SH2D3A: variants seen among roughly 807,000 people sequenced by gnomAD.
SH2D3A encodes SH2 domain containing 3A, also known as SH2 domain-containing protein 3A.
In SH2D3A, 46 loss-of-function variants were observed where a neutral mutation model predicts 50.6. The ratio of observed to expected loss-of-function variants is 0.91; its 90% CI spans 0.72 to 1.16. The LOEUF is 1.16. Ranked by LOEUF, SH2D3A falls within the 50% of genes most tolerant of loss-of-function variation. The pLI is 0.00. For synonymous variants in SH2D3A, 377 were observed against 348.4 expected (o/e 1.08, Z -0.91); for missense variants, 783 against 786.2 (o/e 1.00, Z 0.05).
At chr19:6,761,058 C>T (rs189692747) in intron 2 of SH2D3A, 71 bp from the exon 3 acceptor site, 10 of 1,204,132 alleles carry the variant, frequency 8.3e-6, no homozygotes, top group African/African-American at 3.1e-5. Context: ...TAGCTCCCCC[C>T]ACCATTGCCC....
intron 1 of SH2D3A, among the ~76,000 whole-genome samples, chr19:6,764,873 T>TTTA (rs1491188220): frequency 2.8e-5 from 2 of 71,372 alleles, no homozygotes; most frequent in Non-Finnish European, 5.4e-5. Context: ...ACCTGGCTAA[T>TTTA]TTTTTTTTTT....
chr19:6,753,278 T>G, intron 9 of SH2D3A, 178 bp downstream of exon 9: 1 of 985,392 alleles, frequency 1.0e-6, no homozygotes, highest in Non-Finnish European at 1.2e-6. Flanking sequence ...TCAATACCGC[T>G]GGATGCAGCG....
chr19:6,754,105 A>G lies in SH2D3A; in HGVS notation c.1331T>C (p.Leu444Pro). 6.2e-7 allele frequency: 1 copy of G among 1,613,498 alleles called. No homozygotes were observed. The highest frequency in any genetic ancestry group is 8.5e-7 in the Non-Finnish European group (1 of 1,179,754). ...QLRRSHTEAA[L>P]AFEQELKPLM... The stretch of plus-strand genomic sequence containing the variant: ...CGGCTTCAGCTCCTGCTCAAAGGCC[A>G]GCGCAGCCTCCGTGTGGCTCCTTCG... Residue 444 changes from leucine (L) to proline (P), a missense_variant, in exon 8 of 10, where the codon CTG becomes CCG. Coordinates refer to ENST00000245908, the MANE Select transcript of SH2D3A (RefSeq NM_005490.3).
At chr19:6,764,872 ATTT>A (rs55670461) in intron 1 of SH2D3A, among the ~76,000 whole-genome samples, 4 of 103,120 alleles carry the variant, frequency 3.9e-5, no homozygotes, top group African/African-American at 1.3e-4. Flanking sequence ...TACCTGGCTA[ATTT>A]TTTTTTTTTT....
Position 6,760,679 on chromosome 19 carries a change from C to T in SH2D3A, c.378G>A (p.Glu126=), listed in dbSNP as rs1474655545. ...WQGPLRRSFS[E]DTLMDGPARI... ...GAGCTGGGCCATCCATCAGGGTGTCCTCGCTAAAGCTGCGTCGCAGAGGCC... is the reference window on the plus strand; with the variant it reads ...GAGCTGGGCCATCCATCAGGGTGTCTTCGCTAAAGCTGCGTCGCAGAGGCC... The change falls in exon 3 of 10, where the codon GAG becomes GAA. Residue 126 remains glutamate, a synonymous_variant. Transcript: ENST00000245908. 1.2e-6 allele frequency: 2 copies of T among 1,607,228 alleles called. No individual in the cohort carries two copies. Among genetic ancestry groups the T allele is most frequent in the Admixed American group, 3.4e-5 (2 of 59,520 alleles).
intron 4 of SH2D3A, 76 bp downstream of exon 4, chr19:6,759,518 C>T (rs994610508): frequency 2.4e-5 from 32 of 1,340,554 alleles, no homozygotes; most frequent in Non-Finnish European, 3.3e-5. Flanking sequence ...GAGGTGCCTG[C>T]ACCTGACCAA....
Position 6,760,901 on chromosome 19 carries a change from G to A in SH2D3A, c.156C>T (p.Arg52=). The change falls in exon 3 of 10, where the codon CGC becomes CGT. Residue 52 remains arginine (R), a synonymous_variant. Coordinates refer to ENST00000245908, the MANE Select transcript of SH2D3A (RefSeq NM_005490.3). ...CAAAATGGAGGGCTGAGCCCCGCCA[G>A]CGGCAGGAGATCACGGGGTTGCCCC... The part of the protein sequence containing the change: ...SRGGNPVISC[R]WRGSALHFEV... 6.2e-7 allele frequency: 1 copy of A among 1,614,238 alleles called. No homozygotes were observed. The highest frequency in any genetic ancestry group is 8.5e-7 in the Non-Finnish European group (1 of 1,180,034).
At chr19:6,754,230 C>T (rs1969507060) in intron 7 of SH2D3A, 21 bp downstream of exon 7, 1 of 1,605,220 alleles carries the variant, frequency 6.2e-7, no homozygotes, top group South Asian at 1.1e-5. Context: ...CAGCTTCCTC[C>T]AGTCCCTGCT....
At chr19:6,759,784 G>T in intron 3 of SH2D3A, 114 bp from the exon 4 acceptor site, 1 of 994,872 alleles carries the variant, frequency 1.0e-6, no homozygotes, top group Non-Finnish European at 1.5e-6. Flanking sequence ...AACCAATCAA[G>T]GTGACCTACG....
In SH2D3A at chr19:6,754,309, C is replaced by A; in HGVS notation, c.1214G>T (p.Gly405Val). The A allele has an allele frequency of 6.4e-7, 1 of 1,571,354 alleles. No homozygotes were observed. Among genetic ancestry groups the A allele is most frequent in the African/African-American group, 1.3e-5 (1 of 74,524 alleles). The change falls in exon 7 of 10, where the codon GGG becomes GTG. Residue 405 changes from glycine (G) to valine (V), a missense_variant. Gly to Val is a moderately radical substitution (Grantham distance 109). Coordinates refer to ENST00000245908, the MANE Select transcript of SH2D3A (RefSeq NM_005490.3). The stretch of plus-strand genomic sequence containing the variant: ...CAGCCCGGGCAGGTCCCCCGCCGCC[C>A]CTGGCCGCAGCGCCAGCGCCAGCTC... ...LVELALALRP[G>V]AAGDLPGLAA...
rs369958997 is a variant in SH2D3A, at chr19:6,752,572, T to C, written c.*21A>G. 233 of 1,511,860 alleles carry C rather than the reference T, an allele frequency of 1.5e-4. 2 individuals carry two copies. The African/African-American group carries it at 2.5e-3, about 16-fold the overall frequency. 93.7% of individuals were successfully genotyped at this position (1,511,860 alleles called of 1,614,324 possible). On this transcript the variant is annotated 3_prime_UTR_variant, in exon 10 of 10. Coordinates refer to ENST00000245908, the MANE Select transcript of SH2D3A (RefSeq NM_005490.3). ...CGCAAAAACCTGGGGGTCCCGGGTG[T>C]GAAGAAGGGTGTCTGCGCTCTCAGC...
At chr19:6,759,440 A>T in intron 4 of SH2D3A, 154 bp downstream of exon 4, 1 of 691,252 alleles carries the variant, frequency 1.4e-6, no homozygotes, top group Non-Finnish European at 2.5e-6. Context: ...AAGCACCCAC[A>T]AAGTCCCTGC....
At chr19:6,761,040 G>T in intron 2 of SH2D3A, 53 bp from the exon 3 acceptor site, 1 of 1,384,058 alleles carries the variant, frequency 7.2e-7, no homozygotes, top group African/African-American at 1.4e-5. Context: ...CAGGGCAGTG[G>T]TTAATGGTAG....
chr19:6,752,660 G>A lies in SH2D3A; in HGVS notation c.1664C>T (p.Ala555Val), dbSNP rs61729851. 2.6e-3 allele frequency: 4,121 copies of A among 1,555,506 alleles called. 93 individuals are homozygous for A. The African/African-American group carries it at 0.049, about 19-fold the overall frequency. ...GCGCTGGAACTTCTCAAAGCGTTCA[G>A]CGCGCGGAGCTCCCGCGCCCCGGCT... ...WGSRGAGAPRAERFEKFQRVL... is the reference protein window; with the variant it reads ...WGSRGAGAPRVERFEKFQRVL... Residue 555 changes from alanine (A) to valine (V), a missense_variant, in exon 10 of 10, where the codon GCT becomes GTT. Physicochemically the swap from Ala to Val is moderately conservative, Grantham distance 64. Transcript: ENST00000245908.
Position 6,753,646 on chromosome 19 carries a change from G to A in SH2D3A, c.1385-5C>T, listed in dbSNP as rs757766454. On this transcript the variant is annotated splice_polypyrimidine_tract_variant and splice_region_variant and intron_variant, in intron 8 of 9. Coordinates refer to ENST00000245908, the MANE Select transcript of SH2D3A (RefSeq NM_005490.3). The stretch of plus-strand genomic sequence containing the variant: ...CCTCGCCGGGGTCGCAGGGTCCTGC[G>A]GAGGGGGAGGGTCTGATCAGGGTTT... 1 of 1,559,526 alleles carries A rather than the reference G, an allele frequency of 6.4e-7. No individual in the cohort carries two copies. The highest frequency in any genetic ancestry group is 8.7e-7 in the Non-Finnish European group (1 of 1,154,220).
Position 6,763,709 on chromosome 19 carries a change from G to A in SH2D3A, c.40C>T (p.Pro14Ser). The part of the protein sequence containing the change: ...PQDGEDLAGQ[P>S]WYHGLLSRQK... The stretch of plus-strand genomic sequence containing the variant: ...CGGGACAGGAGGCCGTGGTACCAAG[G>A]TTGGCCAGCAAGGTCTTCTCCATCC... The change falls in exon 2 of 10, where the codon CCT becomes TCT. Residue 14 changes from proline (P) to serine (S), a missense_variant. By Grantham distance (74) the Pro-to-Ser change is moderately conservative (BLOSUM62 -1). Coordinates refer to ENST00000245908, the MANE Select transcript of SH2D3A (RefSeq NM_005490.3). The A allele has an allele frequency of 6.2e-7, 1 of 1,612,752 alleles. No individual in the cohort carries two copies. Among genetic ancestry groups the A allele is most frequent in the Non-Finnish European group, 8.5e-7 (1 of 1,179,676 alleles).
At position 6,752,657 on chromosome 19, in the gene SH2D3A, T is replaced by C; in HGVS notation, c.1667A>G (p.Glu556Gly). The C allele has an allele frequency of 1.3e-6, 2 of 1,555,752 alleles. No individual in the cohort carries two copies. Among genetic ancestry groups the C allele is most frequent in the Non-Finnish European group, 1.7e-6 (2 of 1,149,874 alleles). Residue 556 changes from glutamate to glycine, a missense_variant, in exon 10 of 10, where the codon GAA becomes GGA. Glu to Gly is a moderately conservative substitution (Grantham distance 98, BLOSUM62 -2). Transcript: ENST00000245908. ...GSRGAGAPRA[E>G]RFEKFQRVLG... ...GACGCGCTGGAACTTCTCAAAGCGTTCAGCGCGCGGAGCTCCCGCGCCCCG... is the reference window on the plus strand; with the variant it reads ...GACGCGCTGGAACTTCTCAAAGCGTCCAGCGCGCGGAGCTCCCGCGCCCCG...
intron 6 of SH2D3A, 34 bp from the exon 7 acceptor site, chr19:6,754,459 T>C (rs201653203): frequency 3.9e-6 from 6 of 1,527,358 alleles, no homozygotes; most frequent in Non-Finnish European, 5.2e-6. Context: ...CTGGGGGAAG[T>C]GGGGAGGTTT....
chr19:6,762,542 G>A (rs1022412945), intron 2 of SH2D3A, among the ~76,000 whole-genome samples: 2 of 120,970 alleles, frequency 1.7e-5, no homozygotes, highest in Admixed American at 2.1e-4. Context: ...GGTCTCTCTC[G>A]ATTGCCCAGG....
Sources: allele counts gnomAD v4.1 joint callset (sites outside exome capture counted in the v4.1 genomes callset), GRCh38; gene constraint gnomAD v4.1.1; transcripts MANE v1.5; gene names NCBI Gene and HGNC (gene_info 2026-07-23, HGNC 2026-07-21).